The following MAU2 variants were observed in gnomAD, a reference collection of about 807,000 sequenced individuals.
The protein encoded by MAU2 is MAU2 sister chromatid cohesion factor.
A neutral mutation model predicts 89.1 loss-of-function variants in MAU2; 9 were observed. The ratio of observed to expected loss-of-function variants is 0.10; its 90% CI spans 0.06 to 0.18. MAU2 has a LOEUF of 0.18. Among genes scored for constraint, MAU2 ranks in the 10% least tolerant of loss-of-function variants. The probability of loss-of-function intolerance (pLI) is 1.00; values close to 1 mark genes in which losing one functional copy is unlikely to be tolerated. For synonymous variants in MAU2, 357 were observed against 343.4 expected (o/e 1.04, Z -0.44); for missense variants, 425 against 803.5 (o/e 0.53, Z 5.69).
intron 5 of MAU2, among the ~76,000 whole-genome samples, chr19:19,340,093 A>T (rs965960915): frequency 7.3e-5 from 11 of 151,162 alleles, no homozygotes; most frequent in African/African-American, 2.7e-4. Flanking sequence ...TGAACCCAGG[A>T]CGCGGAGGTT....
intron 1 of MAU2, among the ~76,000 whole-genome samples, chr19:19,325,676 A>T (rs1555792709): frequency 6.6e-6 from 1 of 152,064 alleles, no homozygotes; most frequent in Non-Finnish European, 1.5e-5. Flanking sequence ...ACAAGGTTTC[A>T]TCATGTTAGT....
At chr19:19,328,309 A>G (rs189386126) in intron 1 of MAU2, among the ~76,000 whole-genome samples, 2 of 151,406 alleles carry the variant, frequency 1.3e-5, no homozygotes, top group Admixed American at 6.6e-5. Flanking sequence ...TCCAGGCCCT[A>G]TGGCTTTTTT....
chr19:19,340,017 T>G (rs1015478555), intron 5 of MAU2, among the ~76,000 whole-genome samples: 2 of 151,696 alleles, frequency 1.3e-5, no homozygotes, highest in Non-Finnish European at 2.9e-5. Flanking sequence ...TACAAAAAAT[T>G]AGCTGGGCAT....
chr19:19,324,796 A>G (rs563737306), intron 1 of MAU2, among the ~76,000 whole-genome samples: 1 of 152,274 alleles, frequency 6.6e-6, no homozygotes, highest in Non-Finnish European at 1.5e-5. Flanking sequence ...TCGCATCCCA[A>G]CTGAAAATTT....
At chr19:19,328,145 G>C (rs2061526289) in intron 1 of MAU2, among the ~76,000 whole-genome samples, 2 of 147,982 alleles carry the variant, frequency 1.4e-5, no homozygotes, top group Non-Finnish European at 3.0e-5. Flanking sequence ...GGGTGACAGA[G>C]AGAGACCCTG....
At chr19:19,323,325 G>C (rs1051549007) in intron 1 of MAU2, among the ~76,000 whole-genome samples, 2 of 151,934 alleles carry the variant, frequency 1.3e-5, no homozygotes, top group Admixed American at 1.3e-4. Flanking sequence ...CTCCCGAGTA[G>C]CTGGGATTAC....
At chr19:19,333,464 C>T (rs1413570155) in intron 1 of MAU2, among the ~76,000 whole-genome samples, 1 of 152,124 alleles carries the variant, frequency 6.6e-6, no homozygotes, top group Non-Finnish European at 1.5e-5. Flanking sequence ...CCAGCCTGGA[C>T]AACACAGTGA....
At chr19:19,330,332 C>T (rs549757947) in intron 1 of MAU2, among the ~76,000 whole-genome samples, 45 of 152,072 alleles carry the variant, frequency 3.0e-4, no homozygotes, top group African/African-American at 1.0e-3. Flanking sequence ...TGGTGGCTCA[C>T]GCCTGTAATC....
At position 19,335,566 on chromosome 19, in the gene MAU2, C is replaced by T. The variant is rs558479692; in HGVS notation, c.277-152C>T. ...CTGGCTGGATTGGAGGGGAGTAAGC[C>T]TACCCTCTCAGGCCAAGCGGGCCGC... On this transcript the variant is annotated intron_variant, in intron 1 of 18. Coordinates refer to ENST00000262815, the MANE Select transcript of MAU2 (RefSeq NM_015329.4). 99 of 722,462 alleles carry T rather than the reference C, an allele frequency of 1.4e-4. No individual in the cohort carries two copies. The African/African-American group carries it at 1.7e-3, about 12-fold the overall frequency. The allele number at this position is 722,462 out of a possible 1,614,324, so 44.8% of individuals were successfully genotyped here. A position where few individuals can be genotyped will look rare whatever the true frequency, so the allele number is the denominator to read the frequency against.
intron 16 of MAU2, among the ~76,000 whole-genome samples, chr19:19,349,646 G>T (rs541223387): frequency 1.4e-4 from 21 of 152,332 alleles, no homozygotes; most frequent in Non-Finnish European, 2.2e-4. Context: ...AAGGCAGGAG[G>T]CCTGATGGGT....
chr19:19,346,068 C>A (rs1041230017), intron 12 of MAU2, among the ~76,000 whole-genome samples: 12 of 152,258 alleles, frequency 7.9e-5, no homozygotes, highest in African/African-American at 2.9e-4. Flanking sequence ...ACCAGGGAGT[C>A]CTGTGTGCGC....
At chr19:19,337,917 G>A (rs1188521257) in intron 4 of MAU2, among the ~76,000 whole-genome samples, 4 of 152,314 alleles carry the variant, frequency 2.6e-5, no homozygotes, top group East Asian at 3.9e-4. Context: ...TGGAGGGGCC[G>A]GCAGGCTCCA....
At position 19,343,768 on chromosome 19, in the gene MAU2, G is replaced by T. The variant is rs1297325556; in HGVS notation, c.974-69G>T. ...GGCAGGAGACAGGAACGAGGTGGGGGCACGGTGGGCTGGGGGTGGCGCCTC... is the reference window on the plus strand; with the variant it reads ...GGCAGGAGACAGGAACGAGGTGGGGTCACGGTGGGCTGGGGGTGGCGCCTC... On this transcript the variant is annotated intron_variant, in intron 9 of 18. Coordinates refer to ENST00000262815, the MANE Select transcript of MAU2 (RefSeq NM_015329.4). The T allele has an allele frequency of 3.4e-6, 4 of 1,166,782 alleles. 1 individual carries two copies. The African/African-American group carries it at 6.0e-5, about 18-fold the overall frequency. The allele number at this position is 1,166,782 out of a possible 1,614,324, so 72.3% of individuals were successfully genotyped here.
At chr19:19,337,405 G>T in intron 4 of MAU2, 140 bp downstream of exon 4, 1 of 658,006 alleles carries the variant, frequency 1.5e-6, no homozygotes. Context: ...GGGGACATGG[G>T]AACATTTCCT....
chr19:19,321,055 C>T lies in MAU2; in HGVS notation c.196C>T (p.Arg66Cys). Residue 66 changes from arginine to cysteine, a missense_variant, in exon 1 of 19, where the codon CGT becomes TGT. By Grantham distance (180) the Arg-to-Cys change is radical (BLOSUM62 -3). Around this residue, in one of 11 missense-constraint regions of MAU2, gnomAD observed 57 missense variants for 57.5 expected, o/e 0.99. Transcript: ENST00000262815. ...CAAGCCGCCGCAGCGCATCGAGGCC[C>T]GTACACACCTGCAGCTGGGCTCCGT... ...PFKPPQRIEA[R>C]THLQLGSVLY... 1 of 1,612,698 alleles carries T rather than the reference C, an allele frequency of 6.2e-7. No individual in the cohort carries two copies. The highest frequency in any genetic ancestry group is 8.5e-7 in the Non-Finnish European group (1 of 1,179,490).
At chr19:19,344,272 T>G (rs751271644) in intron 10 of MAU2, 50 of 304,542 alleles carry the variant, frequency 1.6e-4, no homozygotes, top group Non-Finnish European at 2.6e-4. Context: ...ATTAGCCAGG[T>G]GTGGTGGCAG....
At chr19:19,330,598 G>C (rs139194959) in intron 1 of MAU2, among the ~76,000 whole-genome samples, 346 of 152,290 alleles carry the variant, frequency 2.3e-3, no homozygotes, top group African/African-American at 7.6e-3. Context: ...AAATTAGCCA[G>C]GCGTGATGGC....
At chr19:19,323,860 G>A (rs1308270045) in intron 1 of MAU2, among the ~76,000 whole-genome samples, 1 of 152,236 alleles carries the variant, frequency 6.6e-6, no homozygotes, top group Non-Finnish European at 1.5e-5. Context: ...GAGAGGTAAA[G>A]TGATTTGCCC....
rs1445516898 is a variant in MAU2 at position 19,344,501 on chromosome 19, G to A, written c.1078-348G>A. ...CACATGGTCTCTGGGGATTTGGGGG[G>A]TCCTTTGACAGTGATTGTTATACCC... is the stretch of plus-strand genomic sequence containing the variant. On this transcript the variant is annotated intron_variant, in intron 10 of 18. Coordinates refer to ENST00000262815, the MANE Select transcript of MAU2 (RefSeq NM_015329.4). The A allele has an allele frequency of 2.7e-5, 10 of 366,434 alleles. No homozygotes were observed. In the East Asian group the frequency reaches 4.9e-4, roughly 18 times the overall value. The allele number at this position is 366,434 out of a possible 1,614,324, so 22.7% of individuals were successfully genotyped here. A position where few individuals can be genotyped will look rare whatever the true frequency, so the allele number is the denominator to read the frequency against.
Sources: allele counts gnomAD v4.1 joint callset (sites outside exome capture counted in the v4.1 genomes callset), GRCh38; gene constraint gnomAD v4.1.1; regional missense constraint gnomAD v4.1.1; transcripts MANE v1.5; gene names NCBI Gene and HGNC (gene_info 2026-07-23, HGNC 2026-07-21).